The following MTSS1 variants were observed in gnomAD, a reference collection of about 807,000 sequenced individuals.
MTSS1 encodes protein MTSS 1.
A neutral mutation model predicts 79.0 loss-of-function variants in MTSS1; 18 were observed. The observed-to-expected ratio is 0.23, with a 90% confidence interval of 0.16 to 0.34. The LOEUF is 0.34. Among genes scored for constraint, MTSS1 ranks in the 10% least tolerant of loss-of-function variants. The pLI is 1.00. For missense variants in MTSS1, 815 were observed against 986.2 expected, an observed-to-expected ratio of 0.83 and a Z score of 2.33; for synonymous variants, 341 against 368.6, an observed-to-expected ratio of 0.93 and a Z score of 0.86.
chr8:124,684,122 G>A (rs932052128), intron 3 of MTSS1, among the ~76,000 whole-genome samples: 3 of 152,086 alleles, frequency 2.0e-5, no homozygotes, highest in African/African-American at 4.8e-5. Context: ...TTTTCTAGAC[G>A]AATGAACTGT....
intron 4 of MTSS1, among the ~76,000 whole-genome samples, chr8:124,590,743 T>C (rs1186420905): frequency 6.6e-6 from 1 of 152,204 alleles, no homozygotes; most frequent in African/African-American, 2.4e-5. Flanking sequence ...GAGTGGTCTG[T>C]GAGCTGCCAC....
chr8:124,724,788 G>A (rs183736863), intron 1 of MTSS1, among the ~76,000 whole-genome samples: 2 of 152,218 alleles, frequency 1.3e-5, no homozygotes, highest in South Asian at 2.1e-4. Flanking sequence ...AGCTTGGATA[G>A]AAACTCCAAA....
intron 1 of MTSS1, among the ~76,000 whole-genome samples, chr8:124,711,049 C>T (rs1394738681): frequency 1.3e-5 from 2 of 152,160 alleles, no homozygotes; most frequent in Non-Finnish European, 2.9e-5. Flanking sequence ...ATATGACCAG[C>T]CAGGTAACTT....
At chr8:124,720,944 C>T (rs369477076) in intron 1 of MTSS1, among the ~76,000 whole-genome samples, 35 of 152,324 alleles carry the variant, frequency 2.3e-4, no homozygotes, top group Admixed American at 9.1e-4. Flanking sequence ...GAAACCAAGA[C>T]TTACAGAGAT....
chr8:124,727,975 C>A lies in MTSS1; in HGVS notation c.-20G>T, dbSNP rs1051316306. 6.2e-7 allele frequency: 1 copy of A among 1,606,444 alleles called. No homozygotes were observed. The highest frequency in any genetic ancestry group is 1.7e-5 in the Admixed American group (1 of 59,264). ...CTCCATTTTCCCGGCTCCGGCAGGG[C>A]GAGGGCACACACGCGGGGCCGCTGG... On this transcript the variant is annotated 5_prime_UTR_variant, in exon 1 of 14. Coordinates refer to ENST00000518547, the MANE Select transcript of MTSS1 (RefSeq NM_014751.6). The surrounding 1 kb of genome is among the most constrained non-coding windows in gnomAD (Gnocchi z 4.7).
At chr8:124,688,442 G>GCAATGTAAATGAATTGAAGC (rs1827392519) in intron 3 of MTSS1, among the ~76,000 whole-genome samples, 1 of 152,000 alleles carries the variant, frequency 6.6e-6, no homozygotes, top group Non-Finnish European at 1.5e-5. Flanking sequence ...TGAATTGAAG[G>GCAATGTAAATGAATTGAAGC]CAATGTAAAT....
At chr8:124,717,262 C>T (rs1228340101) in intron 1 of MTSS1, among the ~76,000 whole-genome samples, 2 of 151,608 alleles carry the variant, frequency 1.3e-5, no homozygotes, top group African/African-American at 4.8e-5. Flanking sequence ...GAGGCCAAGG[C>T]GGGCAGATCA....
intron 3 of MTSS1, among the ~76,000 whole-genome samples, chr8:124,632,916 C>T (rs999170169): frequency 6.6e-6 from 1 of 152,198 alleles, no homozygotes; most frequent in South Asian, 2.1e-4. Flanking sequence ...GATCCACCTG[C>T]CTTGGCCTCC....
intron 3 of MTSS1, among the ~76,000 whole-genome samples, chr8:124,657,696 G>A (rs1169620639): frequency 6.6e-6 from 1 of 152,126 alleles, no homozygotes; most frequent in African/African-American, 2.4e-5. Context: ...AATTTAACCA[G>A]GATACAGGGA....
At position 124,562,848 on chromosome 8, in the gene MTSS1, T is replaced by A. The variant is rs1825634069; in HGVS notation, c.969A>T (p.Gly323=). 1 of 1,614,070 alleles carries A rather than the reference T, an allele frequency of 6.2e-7. No individual in the cohort carries two copies. The highest frequency in any genetic ancestry group is 1.7e-5 in the Admixed American group (1 of 60,022). The change falls in exon 10 of 14, where the codon GGA becomes GGT. Residue 323 remains glycine (G), a synonymous_variant. Coordinates refer to ENST00000518547, the MANE Select transcript of MTSS1 (RefSeq NM_014751.6). ...RLSSVSSHDS[G]FISQDAFQSK... ...ACTGGAAGGCATCCTGGGATATGAA[T>A]CCTGAGTCATGGGAGGACACGCTGG...
intron 1 of MTSS1, among the ~76,000 whole-genome samples, chr8:124,704,483 T>C (rs76155608): frequency 0.026 from 3,903 of 152,256 alleles, 159 homozygotes; most frequent in African/African-American, 0.089. Flanking sequence ...ATTTAAGGTG[T>C]ACAGAACATT....
At chr8:124,558,663 AG>A in intron 10 of MTSS1, 2 of 1,483,356 alleles carry the variant, frequency 1.3e-6, no homozygotes, top group Non-Finnish European at 9.0e-7. Flanking sequence ...AGCAGCAGGC[AG>A]GGGGACCAGG....
chr8:124,672,875 GCATACACACACA>G, intron 3 of MTSS1, among the ~76,000 whole-genome samples: 1 of 149,710 alleles, frequency 6.7e-6, no homozygotes, highest in South Asian at 2.1e-4. Flanking sequence ...ACACACACAT[GCATACACACACA>G]CATGCACACA....
chr8:124,671,099 G>A (rs1824103888), intron 3 of MTSS1, among the ~76,000 whole-genome samples: 1 of 150,988 alleles, frequency 6.6e-6, no homozygotes, highest in Non-Finnish European at 1.5e-5. Context: ...AAGCTCATTG[G>A]GGTAGATTGC....
chr8:124,699,675 C>A, intron 2 of MTSS1, 76 bp from the exon 3 acceptor site: 21 of 1,346,272 alleles, frequency 1.6e-5, no homozygotes, highest in Non-Finnish European at 2.2e-5. Context: ...AGGCCTAAAA[C>A]CTCTGCTAAG....
chr8:124,644,135 A>T (rs537593930), intron 3 of MTSS1, among the ~76,000 whole-genome samples: 253 of 152,320 alleles, frequency 1.7e-3, no homozygotes, highest in African/African-American at 5.9e-3. Flanking sequence ...AAGACCTGGG[A>T]ACATGGGCAT....
chr8:124,599,482 CAAAAAAAA>C (rs202122400), intron 3 of MTSS1, among the ~76,000 whole-genome samples: 1 of 85,750 alleles, frequency 1.2e-5, no homozygotes, highest in African/African-American at 3.6e-5. Flanking sequence ...GACTCCGTCT[CAAAAAAAA>C]AAAAAAAAAA....
intron 3 of MTSS1, among the ~76,000 whole-genome samples, chr8:124,632,636 T>C (rs113971191): frequency 0.028 from 4,265 of 152,294 alleles, 172 homozygotes; most frequent in African/African-American, 0.097. Context: ...AACTCATCTT[T>C]AAGAACAGCA....
At chr8:124,672,856 CAT>C (rs1179929283) in intron 3 of MTSS1, among the ~76,000 whole-genome samples, 1 of 151,222 alleles carries the variant, frequency 6.6e-6, no homozygotes, top group Admixed American at 6.6e-5. Flanking sequence ...CACACACACA[CAT>C]ATGCACACAC....
Sources: allele counts gnomAD v4.1 joint callset (sites outside exome capture counted in the v4.1 genomes callset), GRCh38; gene constraint gnomAD v4.1.1; non-coding constraint Gnocchi (gnomAD v3.1); transcripts MANE v1.5; gene names NCBI Gene and HGNC (gene_info 2026-07-23, HGNC 2026-07-21).